RTCB: variants seen among roughly 807,000 people sequenced by gnomAD.
RTCB encodes RNA 2',3'-cyclic phosphate and 5'-OH ligase.
In RTCB, 32 loss-of-function variants were observed where a neutral mutation model predicts 58.2. That is an observed-to-expected ratio of 0.55 (90% confidence interval 0.41 to 0.74). The LOEUF (loss-of-function observed/expected upper bound fraction) is 0.74, where lower values mean the gene tolerates loss of function less well. Ranked by LOEUF, RTCB falls within the 30% of genes least tolerant of loss-of-function variation. The pLI is 0.00. For missense variants in RTCB, 523 were observed against 639.0 expected, an observed-to-expected ratio of 0.82 and a Z score of 1.96; for synonymous variants, 247 against 218.6, an observed-to-expected ratio of 1.13 and a Z score of -1.15.
chr22:32,402,766 G>A (rs1480098049), intron 4 of RTCB, among the ~76,000 whole-genome samples: 1 of 152,002 alleles, frequency 6.6e-6, no homozygotes, highest in African/African-American at 2.4e-5. Context: ...GTTTTTTTGA[G>A]ACAGGTTCTT....
intron 1 of RTCB, among the ~76,000 whole-genome samples, chr22:32,409,380 C>T (rs1359591817): frequency 1.3e-5 from 2 of 151,632 alleles, no homozygotes; most frequent in African/African-American, 2.4e-5. Context: ...CATGCAGCTA[C>T]GTAGTTGTGT....
intron 4 of RTCB, among the ~76,000 whole-genome samples, chr22:32,402,873 T>C (rs1203553419): frequency 1.3e-5 from 2 of 151,986 alleles, no homozygotes; most frequent in Non-Finnish European, 2.9e-5. Flanking sequence ...GTCTCCTGAG[T>C]AGCTGGGACT....
intron 5 of RTCB, among the ~76,000 whole-genome samples, chr22:32,400,819 T>G (rs1045414487): frequency 6.6e-6 from 1 of 152,198 alleles, no homozygotes; most frequent in African/African-American, 2.4e-5. Flanking sequence ...TAAAGAAACA[T>G]AGCTAGCACA....
intron 10 of RTCB, among the ~76,000 whole-genome samples, chr22:32,392,669 T>C (rs1184500781): frequency 2.0e-5 from 3 of 152,082 alleles, no homozygotes; most frequent in Non-Finnish European, 4.4e-5. Flanking sequence ...CCTCCAGAAA[T>C]TGTCAATGTC....
intron 10 of RTCB, chr22:32,392,562 T>A: frequency 1.4e-6 from 1 of 727,002 alleles, no homozygotes; most frequent in Non-Finnish European, 2.4e-6. Flanking sequence ...TGCAGGGTAT[T>A]CAGCAGCGCA....
intron 1 of RTCB, among the ~76,000 whole-genome samples, chr22:32,410,912 T>G (rs1401246994): frequency 6.6e-6 from 1 of 152,140 alleles, no homozygotes; most frequent in East Asian, 1.9e-4. Context: ...CCCACTATAT[T>G]GCCCAGGCAG....
Position 32,408,174 on chromosome 22 carries a change from C to T in RTCB, c.240+1G>A. Reference sequence around the variant, plus strand: ...GATTAAAGTTCTGAACTCTGACTCACATGAACAATTCCAGGCAGGGCTGCC... The same window carrying T: ...GATTAAAGTTCTGAACTCTGACTCATATGAACAATTCCAGGCAGGGCTGCC... On this transcript the variant is annotated splice_donor_variant, in intron 3 of 11. Transcript: ENST00000216038. LOFTEE classifies it high-confidence loss of function. 1 of 1,613,918 alleles carries T rather than the reference C, an allele frequency of 6.2e-7. No homozygotes were observed. The highest frequency in any genetic ancestry group is 8.5e-7 in the Non-Finnish European group (1 of 1,179,758).
At chr22:32,402,926 G>A (rs1444196080) in intron 4 of RTCB, among the ~76,000 whole-genome samples, 3 of 152,040 alleles carry the variant, frequency 2.0e-5, no homozygotes, top group East Asian at 3.9e-4. Flanking sequence ...TGTATTATGC[G>A]TAGGGATGGG....
At chr22:32,409,794 A>G (rs1026064330) in intron 1 of RTCB, among the ~76,000 whole-genome samples, 2 of 150,766 alleles carry the variant, frequency 1.3e-5, no homozygotes, top group African/African-American at 4.9e-5. Flanking sequence ...AGGAGCTCCC[A>G]GTACACAATA....
At chr22:32,391,385 C>A (rs1372777731) in intron 11 of RTCB, among the ~76,000 whole-genome samples, 3 of 149,988 alleles carry the variant, frequency 2.0e-5, no homozygotes, top group Non-Finnish European at 4.4e-5. Context: ...AAAACTATGA[C>A]AATAAGTAAA....
chr22:32,412,037 GC>G (rs758276074), intron 1 of RTCB, 26 bp downstream of exon 1: 1 of 1,573,282 alleles, frequency 6.4e-7, no homozygotes, highest in Non-Finnish European at 8.6e-7. Flanking sequence ...AGCACGGAAG[GC>G]CCCGCCATTT....
At chr22:32,406,097 T>C (rs1311964705) in intron 4 of RTCB, among the ~76,000 whole-genome samples, 1 of 152,060 alleles carries the variant, frequency 6.6e-6, no homozygotes, top group South Asian at 2.1e-4. Flanking sequence ...TAAAAAAAAA[T>C]TGCCAGTTTG....
intron 8 of RTCB, among the ~76,000 whole-genome samples, chr22:32,395,478 C>T (rs1478348396): frequency 1.3e-5 from 2 of 152,220 alleles, no homozygotes; most frequent in African/African-American, 4.8e-5. Context: ...TGCTTCTTCT[C>T]AGCCTTCTGA....
Position 32,395,890 on chromosome 22 carries a change from G to A in RTCB, c.990+184C>T, listed in dbSNP as rs868794267. On this transcript the variant is annotated intron_variant, in intron 8 of 11. Transcript: ENST00000216038. ...AATTTTTTGTATTTTTAGTAGAGAC[G>A]GGGTTTCACCGTGTTAGCCAGGATG... Among the ~76,000 whole-genome samples, 70 of 152,158 alleles carry A rather than the reference G, an allele frequency of 4.6e-4. No individual in the cohort carries two copies. In the Middle Eastern group the frequency reaches 0.01, roughly 22 times the overall value.
At chr22:32,408,896 C>G in intron 1 of RTCB, 63 bp from the exon 2 acceptor site, 1 of 1,096,246 alleles carries the variant, frequency 9.1e-7, no homozygotes, top group Non-Finnish European at 1.4e-6. Flanking sequence ...AGGCACTGGA[C>G]AGAATGCACT....
intron 7 of RTCB, among the ~76,000 whole-genome samples, chr22:32,396,829 G>A (rs910248147): frequency 6.6e-6 from 1 of 152,178 alleles, no homozygotes; most frequent in Non-Finnish European, 1.5e-5. Flanking sequence ...ATTCGCTGTT[G>A]GAGGCCGAAA....
At chr22:32,411,077 A>C (rs1933514233) in intron 1 of RTCB, among the ~76,000 whole-genome samples, 1 of 152,150 alleles carries the variant, frequency 6.6e-6, no homozygotes, top group Admixed American at 6.5e-5. Context: ...CCAAACAGCA[A>C]ACAGAACACA....
intron 3 of RTCB, among the ~76,000 whole-genome samples, chr22:32,407,016 T>C (rs1933437036): frequency 6.6e-6 from 1 of 152,136 alleles, no homozygotes; most frequent in African/African-American, 2.4e-5. Context: ...AGCCTCAAAA[T>C]AACATGATAT....
chr22:32,398,506 T>C (rs148027645), intron 6 of RTCB, among the ~76,000 whole-genome samples: 5,247 of 152,194 alleles, frequency 0.034, 283 homozygotes, highest in African/African-American at 0.12. Context: ...CTAATGCACG[T>C]GGGGCTTAAA....
Sources: gnomAD v4.1 joint callset for allele counts (sites outside exome capture counted in the v4.1 genomes callset) on GRCh38, gnomAD v4.1.1 for gene constraint, MANE v1.5 for transcripts, NCBI Gene and HGNC (gene_info 2026-07-23, HGNC 2026-07-21) for gene names.